The following SLC24A2 variants were observed in gnomAD, a reference collection of about 807,000 sequenced individuals.
SLC24A2 encodes the protein sodium/potassium/calcium exchanger 2.
A neutral mutation model predicts 62.0 loss-of-function variants in SLC24A2; 36 were observed. The observed-to-expected ratio is 0.58, with a 90% CI of 0.44 to 0.77. The LOEUF (loss-of-function observed/expected upper bound fraction) is 0.77. Among genes scored for constraint, SLC24A2 ranks in the 30% least tolerant of loss-of-function variants. The pLI is 0.00. For synonymous variants in SLC24A2, 358 were observed against 294.0 expected, an observed-to-expected ratio of 1.22 and a Z score of -2.23; for missense variants, 846 against 817.9, an observed-to-expected ratio of 1.03 and a Z score of -0.42.
chr9:20,087,484 T>C, the SLC24A2 span, among the ~76,000 whole-genome samples: 1 of 152,132 alleles, frequency 6.6e-6, no homozygotes, highest in Non-Finnish European at 1.5e-5. Flanking sequence ...CAAGAAATAA[T>C]TTGTGTAAAT....
intron 2 of SLC24A2, chr9:19,705,513 T>G (rs989427986): frequency 3.1e-5 from 7 of 224,596 alleles, no homozygotes; most frequent in Non-Finnish European, 5.9e-5. Flanking sequence ...CACAGAAAAC[T>G]TCTCCAGCAG....
At chr9:19,946,244 A>G in the SLC24A2 span, among the ~76,000 whole-genome samples, 1 of 152,154 alleles carries the variant, frequency 6.6e-6, no homozygotes, top group Non-Finnish European at 1.5e-5. Context: ...AGCCCTAATT[A>G]ATGAGTCTGA....
At chr9:20,168,348 T>C in the SLC24A2 span, among the ~76,000 whole-genome samples, 1 of 151,876 alleles carries the variant, frequency 6.6e-6, no homozygotes, top group Non-Finnish European at 1.5e-5. Context: ...GACACCAAGA[T>C]AACAGGTAAC....
chr9:20,035,451 G>C, the SLC24A2 span, among the ~76,000 whole-genome samples: 1 of 152,128 alleles, frequency 6.6e-6, no homozygotes, highest in Non-Finnish European at 1.5e-5. Flanking sequence ...GAAAAATGAA[G>C]CTGCAGAAGA....
At chr9:20,102,171 A>G in the SLC24A2 span, among the ~76,000 whole-genome samples, 3 of 152,216 alleles carry the variant, frequency 2.0e-5, no homozygotes, top group South Asian at 6.2e-4. Context: ...TACCTTCTGT[A>G]GATTGAGTAA....
At chr9:20,235,558 C>A in the SLC24A2 span, among the ~76,000 whole-genome samples, 2 of 152,208 alleles carry the variant, frequency 1.3e-5, no homozygotes, top group African/African-American at 2.4e-5. Context: ...TCCTGGTGTG[C>A]CGGTTTTTAA....
At chr9:20,168,747 T>C in the SLC24A2 span, among the ~76,000 whole-genome samples, 18 of 152,006 alleles carry the variant, frequency 1.2e-4, no homozygotes, top group African/African-American at 4.1e-4. Flanking sequence ...CCCTCGTGTA[T>C]TGCTGGTGGG....
At chr9:19,873,203 TCCTC>T in the SLC24A2 span, among the ~76,000 whole-genome samples, 1 of 135,256 alleles carries the variant, frequency 7.4e-6, no homozygotes, top group African/African-American at 2.9e-5. Context: ...CTTCCTCCCT[TCCTC>T]CCTCCCTCCC....
At chr9:19,535,718 G>A (rs1011671116) in intron 8 of SLC24A2, among the ~76,000 whole-genome samples, 1 of 152,144 alleles carries the variant, frequency 6.6e-6, no homozygotes, top group South Asian at 2.1e-4. Flanking sequence ...CTATATACCT[G>A]TTGTGGTACC....
upstream of SLC24A2, among the ~76,000 whole-genome samples, chr9:19,790,744 C>G (rs531661106): frequency 9.5e-4 from 144 of 152,176 alleles, no homozygotes; most frequent in African/African-American, 3.3e-3. Flanking sequence ...TCTGGGTAAC[C>G]AATTAGGCTT....
the SLC24A2 span, among the ~76,000 whole-genome samples, chr9:19,941,163 T>C: frequency 6.6e-6 from 1 of 152,136 alleles, no homozygotes; most frequent in South Asian, 2.1e-4. Context: ...TCCCATAAAA[T>C]TCTACAACAG....
chr9:19,896,430 G>A, the SLC24A2 span, among the ~76,000 whole-genome samples: 1 of 152,230 alleles, frequency 6.6e-6, no homozygotes, highest in Non-Finnish European at 1.5e-5. Context: ...ATTTGCTCAA[G>A]ACACTAGGCA....
At chr9:20,271,221 G>C in the SLC24A2 span, among the ~76,000 whole-genome samples, 1 of 152,202 alleles carries the variant, frequency 6.6e-6, no homozygotes, top group Admixed American at 6.5e-5. Context: ...GATGTTGTCT[G>C]TGCTGGCTGG....
At chr9:19,665,939 G>T (rs1819240080) in intron 2 of SLC24A2, among the ~76,000 whole-genome samples, 1 of 152,076 alleles carries the variant, frequency 6.6e-6, no homozygotes, top group Non-Finnish European at 1.5e-5. Context: ...GATTACAGGG[G>T]TATGCCACTG....
At chr9:19,924,507 G>T in the SLC24A2 span, among the ~76,000 whole-genome samples, 16 of 152,246 alleles carry the variant, frequency 1.1e-4, no homozygotes, top group African/African-American at 3.9e-4. Context: ...CTAGTCAGCT[G>T]TGTCCATCAG....
At chr9:19,915,882 C>T in the SLC24A2 span, among the ~76,000 whole-genome samples, 2 of 151,972 alleles carry the variant, frequency 1.3e-5, no homozygotes, top group Admixed American at 6.6e-5. Context: ...GTCATCTTTT[C>T]CCTTTTTTGA....
intron 8 of SLC24A2, among the ~76,000 whole-genome samples, chr9:19,543,258 T>G (rs1586925649): frequency 6.6e-6 from 1 of 152,238 alleles, no homozygotes; most frequent in East Asian, 1.9e-4. Flanking sequence ...TGTATTTCTG[T>G]GGGATCAGTG....
At chr9:20,252,990 G>C in the SLC24A2 span, among the ~76,000 whole-genome samples, 1 of 152,186 alleles carries the variant, frequency 6.6e-6, no homozygotes, top group African/African-American at 2.4e-5. Flanking sequence ...ATTTGCTAAA[G>C]AAAGACTCCA....
the SLC24A2 span, among the ~76,000 whole-genome samples, chr9:20,106,021 C>A: frequency 6.6e-6 from 1 of 152,094 alleles, no homozygotes; most frequent in African/African-American, 2.4e-5. Context: ...GGAATATCAC[C>A]ACTGATCCCA....
Sources: allele counts gnomAD v4.1 joint callset (sites outside exome capture counted in the v4.1 genomes callset), GRCh38; gene constraint gnomAD v4.1.1; transcripts MANE v1.5; gene names NCBI Gene and HGNC (gene_info 2026-07-23, HGNC 2026-07-21).